NAV1: variants seen among roughly 807,000 people sequenced by gnomAD.
The protein encoded by NAV1 is neuron navigator 1.
Under a neutral mutation model 175.2 loss-of-function variants are expected in NAV1, and 18 were observed. The observed-to-expected ratio is 0.10, with a 90% confidence interval of 0.07 to 0.15. The LOEUF (loss-of-function observed/expected upper bound fraction) is 0.15, where lower values mean the gene tolerates loss of function less well. Ranked by LOEUF, NAV1 falls within the 10% of genes least tolerant of loss-of-function variation. NAV1 has a pLI of 1.00. For synonymous variants in NAV1, 897 were observed against 978.7 expected (o/e 0.92, Z 1.56); for missense variants, 1,731 against 2,436.6 (o/e 0.71, Z 6.10).
chr1:201,739,961 G>A (rs1295615540), intron 3 of NAV1: 2 of 1,394,588 alleles, frequency 1.4e-6, no homozygotes, highest in East Asian at 5.9e-5. Flanking sequence ...CGGGTGTCAG[G>A]CGAGAGCGGT....
chr1:201,546,830 G>A (rs1665687019), intron 1 of NAV1, among the ~76,000 whole-genome samples: 1 of 151,078 alleles, frequency 6.6e-6, no homozygotes. Flanking sequence ...CTTGAACCCG[G>A]GAAGCAGAAG....
chr1:201,622,941 C>G, exon 1 of NAV1: 1 of 986,526 alleles, frequency 1.0e-6, no homozygotes, highest in Non-Finnish European at 1.2e-6. Context: ...CCTCCGCCAT[C>G]CCGGTGCCTC....
intron 2 of NAV1, among the ~76,000 whole-genome samples, chr1:201,589,759 TG>T (rs1487348737): frequency 6.6e-6 from 1 of 152,238 alleles, no homozygotes; most frequent in African/African-American, 2.4e-5. Context: ...CCCGAAGAGC[TG>T]GGATTACAGG....
chr1:201,542,507 G>A (rs942574212), intron 1 of NAV1, among the ~76,000 whole-genome samples: 3 of 152,090 alleles, frequency 2.0e-5, no homozygotes, highest in East Asian at 1.9e-4. Context: ...ACAGTAAACC[G>A]TTTCCTGGGC....
In NAV1 at chr1:201,783,389, G is replaced by A. The variant is rs188513558; in HGVS notation, c.2358-17G>A. On this transcript the variant is annotated splice_polypyrimidine_tract_variant and intron_variant, in intron 6 of 29. Transcript: ENST00000367296. ...GTAATTCTATTATTCTAAATATTTC[G>A]TTTGATCTTCTCTCAGGGCCACAGC... 170 of 1,608,598 alleles carry A rather than the reference G, an allele frequency of 1.1e-4. No individual in the cohort carries two copies. The African/African-American group carries it at 1.5e-3, about 15-fold the overall frequency.
rs115645870 is a variant in NAV1, at chr1:201,545,661, A to G, written c.-144+6319A>G. ...AGGTGTCATGTCCAGAGTGAGGTGC[A>G]CCACTCCATTTATGAGCTTACTGGC... On this transcript the variant is annotated intron_variant, in intron 1 of 33. Coordinates refer to the NAV1 transcript ENST00000685211. 7.9e-3 allele frequency among the ~76,000 whole-genome samples: 1,196 copies of G among 152,328 alleles called. 12 individuals carry two copies. The highest frequency in any genetic ancestry group is 0.027 in the African/African-American group (1,131 of 41,572).
intron 15 of NAV1, among the ~76,000 whole-genome samples, chr1:201,802,994 C>T (rs1031436236): frequency 2.0e-5 from 3 of 152,172 alleles, no homozygotes; most frequent in Non-Finnish European, 4.4e-5. Context: ...TTCCAAAGTT[C>T]CCATCTGAAA....
At position 201,808,156 on chromosome 1, in the gene NAV1, G is replaced by C. The variant is rs1678426560; in HGVS notation, c.3845+7G>C. 1.2e-6 allele frequency: 2 copies of C among 1,613,636 alleles called. No individual in the cohort carries two copies. The highest frequency in any genetic ancestry group is 2.7e-5 in the African/African-American group (2 of 74,910). On this transcript the variant is annotated splice_region_variant and intron_variant, in intron 18 of 29. Transcript: ENST00000367296. The surrounding 1 kb of genome is among the most constrained non-coding windows in gnomAD (Gnocchi z 5.5). ...TGGGCACTGATGTCACCGAGTAAGT[G>C]CTCTTTGGCTCCCTGCCACCCAGCC...
rs1046899245 is a variant in NAV1, at chr1:201,787,968, C to T, written c.2996-500C>T. 2.0e-5 allele frequency among the ~76,000 whole-genome samples: 3 copies of T among 152,184 alleles called. No homozygotes were observed. Among genetic ancestry groups the T allele is most frequent in the East Asian group, 1.9e-4 (1 of 5,190 alleles). On this transcript the variant is annotated intron_variant, in intron 9 of 29. Transcript: ENST00000367296. The surrounding 1 kb of genome is among the most constrained non-coding windows in gnomAD (Gnocchi z 4.3). ...ACACTACTTTGTGGGGAGATTCTCA[C>T]GCCCTTCCACAATGCCAGGGCAACG... is the stretch of plus-strand genomic sequence containing the variant.
At chr1:201,712,755 C>A in intron 1 of NAV1, 62 bp from the exon 6 acceptor site, 1 of 1,155,978 alleles carries the variant, frequency 8.7e-7, no homozygotes, top group South Asian at 1.2e-5. Flanking sequence ...CACTTCCTGA[C>A]CCCCAGGATC....
chr1:201,717,212 A>T (rs1184382285), intron 2 of NAV1, among the ~76,000 whole-genome samples: 1 of 152,236 alleles, frequency 6.6e-6, no homozygotes, highest in Non-Finnish European at 1.5e-5. Context: ...TCCAGCCCCC[A>T]AAGTGGCTAA....
At chr1:201,777,319 G>C (rs1676020060) in intron 3 of NAV1, among the ~76,000 whole-genome samples, 1 of 152,188 alleles carries the variant, frequency 6.6e-6, no homozygotes, top group Non-Finnish European at 1.5e-5. Context: ...GAAGATATAT[G>C]CATAGGGATA....
chr1:201,645,248 G>C (rs1460811426), upstream of NAV1, among the ~76,000 whole-genome samples: 1 of 152,012 alleles, frequency 6.6e-6, no homozygotes, highest in Admixed American at 6.6e-5. Context: ...CATGTCCTTT[G>C]TAGGGACATG....
chr1:201,655,694 C>G (rs1435379340), intron 1 of NAV1, among the ~76,000 whole-genome samples: 1 of 152,186 alleles, frequency 6.6e-6, no homozygotes, highest in African/African-American at 2.4e-5. Flanking sequence ...GCCCCAGGAA[C>G]TGTTTTGATC....
intron 3 of NAV1, chr1:201,724,139 C>T (rs1293725253): frequency 6.6e-6 from 1 of 152,208 alleles, no homozygotes; most frequent in Admixed American, 6.5e-5. Flanking sequence ...ATATCCAAAT[C>T]ATGACACTGC....
chr1:201,799,084 G>GA (rs903807288), intron 15 of NAV1, among the ~76,000 whole-genome samples: 20 of 150,520 alleles, frequency 1.3e-4, no homozygotes, highest in Admixed American at 4.6e-4. Flanking sequence ...TCAAAAAAAA[G>GA]AAAAAAAGAA....
intron 4 of NAV1, 67 bp from the exon 9 acceptor site, chr1:201,780,945 C>A (rs1452667034): frequency 1.3e-6 from 2 of 1,501,054 alleles, no homozygotes; most frequent in Non-Finnish European, 8.9e-7. Context: ...TAAAATCAAT[C>A]CTGTCAGCTA....
At chr1:201,743,808 C>T (rs1026644937) in intron 3 of NAV1, among the ~76,000 whole-genome samples, 2 of 152,166 alleles carry the variant, frequency 1.3e-5, no homozygotes, top group Non-Finnish European at 2.9e-5. Context: ...AAATTATATG[C>T]TAATGAGGAT....
At chr1:201,601,614 T>C (rs1481440668) in intron 2 of NAV1, among the ~76,000 whole-genome samples, 2 of 152,080 alleles carry the variant, frequency 1.3e-5, no homozygotes, top group Admixed American at 6.6e-5. Flanking sequence ...GAGAGACTCT[T>C]CACTCTTTCC....
Sources: gnomAD v4.1 joint callset for allele counts (sites outside exome capture counted in the v4.1 genomes callset) on GRCh38, gnomAD v4.1.1 for gene constraint, Gnocchi (gnomAD v3.1) non-coding constraint, MANE v1.5 for transcripts, NCBI Gene and HGNC (gene_info 2026-07-23, HGNC 2026-07-21) for gene names.